GCN1: variants seen among roughly 807,000 people sequenced by gnomAD.
GCN1 encodes the protein stalled ribosome sensor GCN1.
Under a neutral mutation model 288.4 loss-of-function variants are expected in GCN1, and 90 were observed. The observed-to-expected ratio is 0.31, with a 90% CI of 0.26 to 0.37. The LOEUF (loss-of-function observed/expected upper bound fraction) is 0.37. Among genes scored for constraint, GCN1 ranks in the 10% least tolerant of loss-of-function variants. The pLI, the probability that GCN1 is intolerant of heterozygous loss-of-function variation, is 1.00. For missense variants in GCN1, 2,586 were observed against 3,419.9 expected (o/e 0.76, Z 6.08); for synonymous variants, 1,386 against 1,420.2 (o/e 0.98, Z 0.54).
At chr12:120,130,203 A>T (rs535181981) in intron 56 of GCN1, among the ~76,000 whole-genome samples, 1 of 152,252 alleles carries the variant, frequency 6.6e-6, no homozygotes, top group South Asian at 2.1e-4. Context: ...GCCATATCAC[A>T]CGGGCCACAG....
At chr12:120,176,118 G>T in intron 10 of GCN1, 25 bp downstream of exon 10, 1 of 1,543,056 alleles carries the variant, frequency 6.5e-7, no homozygotes, top group Non-Finnish European at 9.0e-7. Flanking sequence ...ACACTTATGG[G>T]CTGGAGAGGG....
At chr12:120,165,051 ATTTT>A (rs60284535) in intron 16 of GCN1, among the ~76,000 whole-genome samples, 1 of 142,122 alleles carries the variant, frequency 7.0e-6, no homozygotes, top group Non-Finnish European at 1.5e-5. Flanking sequence ...ATATATATAT[ATTTT>A]TTTTTTTGAG....
rs779757122 is a variant in GCN1, at chr12:120,159,931, G to A, written c.2643C>T (p.Val881=). The A allele has an allele frequency of 9.9e-6, 16 of 1,614,116 alleles. No homozygotes were observed. Among genetic ancestry groups the A allele is most frequent in the African/African-American group, 2.7e-5 (2 of 75,042 alleles). ...ACTTCAGCAAGGGCAGAAAAGAGTC[G>A]ACCAAAACAGGGATGTACTGGGTCA... ...SGLTQYIPVL[V]DSFLPLLKSP... is the part of the protein sequence containing the mutation. Residue 881 remains valine (V), a synonymous_variant, in exon 24 of 58, where the codon GTC becomes GTT. Coordinates refer to ENST00000300648, the MANE Select transcript of GCN1 (RefSeq NM_006836.2).
chr12:120,183,269 T>C (rs1163616094), intron 5 of GCN1, among the ~76,000 whole-genome samples: 3 of 152,242 alleles, frequency 2.0e-5, no homozygotes, highest in South Asian at 2.1e-4. Context: ...TTCCCAACTC[T>C]GGCCTGTCAC....
Position 120,153,476 on chromosome 12 carries a change from C to T in GCN1, c.3868-69G>A. ...CTGCATCTGGGGACAACAGTCCCTG[C>T]CCTGAGGACCAAGACCAAGTCTAGC... On this transcript the variant is annotated intron_variant, in intron 32 of 57. Transcript: ENST00000300648. The surrounding 1 kb of genome is among the most constrained non-coding windows in gnomAD (Gnocchi z 4.4). 2 of 1,374,936 alleles carry T rather than the reference C, an allele frequency of 1.5e-6. No individual in the cohort carries two copies. Among genetic ancestry groups the T allele is most frequent in the Admixed American group, 1.9e-5 (1 of 51,736 alleles). The allele number at this position is 1,374,936 out of a possible 1,614,324, so 85.2% of individuals were successfully genotyped here.
At position 120,134,523 on chromosome 12, in the gene GCN1, A is replaced by G. The variant is rs775604433; in HGVS notation, c.7202+10T>C. The G allele has an allele frequency of 2.5e-6, 4 of 1,611,352 alleles. No homozygotes were observed. In the Admixed American group the frequency reaches 5.0e-5, roughly 20 times the overall value. ...CTGGAGGCCACAGTGCTCCCTTGCC[A>G]GCGCCGTACCTGACACCTGGGTCCT... On this transcript the variant is annotated intron_variant, in intron 52 of 57. Transcript: ENST00000300648. This position sits in a 1 kb window ranked among gnomAD's most constrained non-coding sequence, Gnocchi z 5.0.
Position 120,137,409 on chromosome 12 carries a change from A to C in GCN1, c.6664-90T>G. ...ATGGGGAAAGCGTGGGCGGGAGTAT[A>C]AACAAGACTTGCCACGAGTGGGTAA... On this transcript the variant is annotated intron_variant, in intron 49 of 57. Transcript: ENST00000300648. This position sits in a 1 kb window ranked among gnomAD's most constrained non-coding sequence, Gnocchi z 5.2. 7.1e-7 allele frequency: 1 copy of C among 1,413,242 alleles called. No individual in the cohort carries two copies. The highest frequency in any genetic ancestry group is 2.3e-5 in the East Asian group (1 of 43,654). The allele number at this position is 1,413,242 out of a possible 1,614,324, so 87.5% of individuals were successfully genotyped here.
intron 14 of GCN1, 41 bp downstream of exon 14, chr12:120,173,612 C>T: frequency 7.9e-7 from 1 of 1,270,396 alleles, no homozygotes; most frequent in African/African-American, 1.5e-5. Context: ...TCAGTAACCT[C>T]TGCAAGGAGA....
rs1298962317 is a variant in GCN1, at chr12:120,166,427, T to G, written c.1613-1706A>C. The stretch of plus-strand genomic sequence containing the variant: ...AAAAAAAAAAAAAAAAAAAAATGCC[T>G]GATCCGGTGGCTCACGCATGTAATC... On this transcript the variant is annotated intron_variant, in intron 16 of 57. Transcript: ENST00000300648. Among the ~76,000 whole-genome samples, 2 of 121,114 alleles carry G rather than the reference T, an allele frequency of 1.7e-5. 1 individual carries two copies. The highest frequency in any genetic ancestry group is 3.4e-5 in the Non-Finnish European group (2 of 59,206). The allele number at this position is 121,114 out of a possible 152,430, so 79.5% of individuals were successfully genotyped here.
At chr12:120,173,265 C>A (rs1158868962) in intron 14 of GCN1, among the ~76,000 whole-genome samples, 1 of 152,052 alleles carries the variant, frequency 6.6e-6, no homozygotes, top group Admixed American at 6.6e-5. Flanking sequence ...CCATGTTGGT[C>A]TTGAACTCCT....
intron 18 of GCN1, among the ~76,000 whole-genome samples, 198 bp downstream of exon 18, chr12:120,164,138 A>G (rs866105483): frequency 6.6e-6 from 1 of 152,222 alleles, no homozygotes; most frequent in African/African-American, 2.4e-5. Flanking sequence ...GTTAAGCTAC[A>G]TGTGAAAAAA....
intron 36 of GCN1, 42 bp downstream of exon 36, chr12:120,149,564 A>C: frequency 1.4e-6 from 2 of 1,431,380 alleles, no homozygotes; most frequent in Non-Finnish European, 2.0e-6. Flanking sequence ...GCTGGTTTTC[A>C]TAACAGGAAG....
Position 120,153,175 on chromosome 12 carries a change from C to A in GCN1, c.4062+38G>T, listed in dbSNP as rs112252297. ...CTAACCACAGCCGGGTCCCAATTCT[C>A]TAACCGACATGTGGGTCCCAGGCCA... On this transcript the variant is annotated intron_variant, in intron 33 of 57. Transcript: ENST00000300648. The surrounding 1 kb of genome is among the most constrained non-coding windows in gnomAD (Gnocchi z 4.4). 5.4e-4 allele frequency: 865 copies of A among 1,587,518 alleles called. 6 individuals carry two copies. The African/African-American group carries it at 0.011, about 20-fold the overall frequency.
chr12:120,129,395 T>G lies in GCN1; in HGVS notation c.7771A>C (p.Lys2591Gln), dbSNP rs1217398602. 8.1e-6 allele frequency: 13 copies of G among 1,614,006 alleles called. No individual in the cohort carries two copies. Among genetic ancestry groups the G allele is most frequent in the East Asian group, 2.2e-5 (1 of 44,878 alleles). ...TCAAGAAGAGCCTTCAGGATGGGCT[T>G]GATGGCCTGGGGGTCCAGGGGAGGC... ...PLPPLDPQAI[K>Q]PILKALLDNT... The change falls in exon 57 of 58, where the codon AAG becomes CAG. Residue 2591 changes from lysine to glutamine, a missense_variant. Lys to Gln is a moderately conservative substitution (Grantham distance 53, BLOSUM62 1). This residue lies in a region of GCN1 where 355 missense variants were observed against 431.1 expected (regional missense o/e 0.82). Coordinates refer to ENST00000300648, the MANE Select transcript of GCN1 (RefSeq NM_006836.2).
rs1485073797 is a variant in GCN1 at position 120,161,966 on chromosome 12, GT to G, written c.2255del (p.Asn752ThrfsTer7). 6.2e-7 allele frequency: 1 copy of G among 1,613,676 alleles called. No individual in the cohort carries two copies. Among genetic ancestry groups the G allele is most frequent in the Non-Finnish European group, 8.5e-7 (1 of 1,179,758 alleles). The stretch of plus-strand genomic sequence containing the variant: ...CCCGCGTCACCAGGCGCAGTGCAGG[GT>G]TCTGCACGGAGGCAGTGATGGTGCT... ...LISTITASVQ[N>X]PALRLVTREE... On this transcript the variant is annotated frameshift_variant, in exon 21 of 58. Coordinates refer to ENST00000300648, the MANE Select transcript of GCN1 (RefSeq NM_006836.2). LOFTEE classifies it high-confidence loss of function.
chr12:120,134,377 C>G lies in GCN1; in HGVS notation c.7231G>C (p.Val2411Leu). 1 of 1,613,912 alleles carries G rather than the reference C, an allele frequency of 6.2e-7. No homozygotes were observed. The highest frequency in any genetic ancestry group is 1.7e-5 in the Admixed American group (1 of 60,028). ...ACTTTGGCCCCTGCTCCCTGAATCA[C>G]AAACCTCAGGGCCTGCAGCATGGTG... ...RDTMLQALRF[V>L]IQGAGAKVDA... Residue 2411 changes from valine to leucine, a missense_variant, in exon 53 of 58, where the codon GTG becomes CTG. Physicochemically the swap from Val to Leu is conservative, Grantham distance 32. This residue lies in a region of GCN1 where 355 missense variants were observed against 431.1 expected (regional missense o/e 0.82). Coordinates refer to ENST00000300648, the MANE Select transcript of GCN1 (RefSeq NM_006836.2). This position sits in a 1 kb window ranked among gnomAD's most constrained non-coding sequence, Gnocchi z 5.0.
chr12:120,127,670 A>C lies in GCN1; in HGVS notation c.*179T>G. 1 of 699,874 alleles carries C rather than the reference A, an allele frequency of 1.4e-6. No individual in the cohort carries two copies. The highest frequency in any genetic ancestry group is 1.8e-5 in the South Asian group (1 of 55,716). The allele number at this position is 699,874 out of a possible 1,614,324, so 43.4% of individuals were successfully genotyped here. A position where few individuals can be genotyped will look rare whatever the true frequency, so the allele number is the denominator to read the frequency against. On this transcript the variant is annotated 3_prime_UTR_variant, in exon 58 of 58. Transcript: ENST00000300648. ...CTCCACAGGAAAAGGTGAGAGATGGAGGAGGCAATTTTCAGTTGTGTGTGG... is the reference window on the plus strand; with the variant it reads ...CTCCACAGGAAAAGGTGAGAGATGGCGGAGGCAATTTTCAGTTGTGTGTGG...
At chr12:120,152,774 T>C (rs894571932) in intron 33 of GCN1, among the ~76,000 whole-genome samples, 2 of 151,800 alleles carry the variant, frequency 1.3e-5, no homozygotes, top group Non-Finnish European at 2.9e-5. Flanking sequence ...AAAACGCACC[T>C]GTAACACACA....
chr12:120,161,646 G>T, intron 21 of GCN1, 63 bp from the exon 22 acceptor site: 1 of 1,227,130 alleles, frequency 8.1e-7, no homozygotes, highest in Non-Finnish European at 1.2e-6. Context: ...TCAGCCTCCC[G>T]CCAGCCATGC....
Sources: allele counts gnomAD v4.1 joint callset (sites outside exome capture counted in the v4.1 genomes callset), GRCh38; gene constraint gnomAD v4.1.1; regional missense constraint gnomAD v4.1.1; non-coding constraint Gnocchi (gnomAD v3.1); transcripts MANE v1.5; gene names NCBI Gene and HGNC (gene_info 2026-07-23, HGNC 2026-07-21).